The following POMT2 variants were observed in gnomAD, a reference collection of about 807,000 sequenced individuals.
POMT2 encodes protein O-mannosyltransferase 2.
Under a neutral mutation model 100.0 loss-of-function variants are expected in POMT2, and 75 were observed. The ratio of observed to expected loss-of-function variants is 0.75; its 90% CI spans 0.62 to 0.91. The LOEUF is 0.91. Among genes scored for constraint, POMT2 ranks in the 40% least tolerant of loss-of-function variants. The pLI is 0.00. For missense variants in POMT2, 940 were observed against 955.1 expected, an observed-to-expected ratio of 0.98 and a Z score of 0.21; for synonymous variants, 378 against 374.1, an observed-to-expected ratio of 1.01 and a Z score of -0.12.
chr14:77,297,175 T>C (rs1477965579), intron 8 of POMT2, among the ~76,000 whole-genome samples: 1 of 152,244 alleles, frequency 6.6e-6, no homozygotes, highest in Non-Finnish European at 1.5e-5. Context: ...ACTCCACAGC[T>C]GTGTTCTTCT....
chr14:77,313,380 G>T (rs1480112617), intron 1 of POMT2, among the ~76,000 whole-genome samples: 1 of 152,202 alleles, frequency 6.6e-6, no homozygotes, highest in Non-Finnish European at 1.5e-5. Context: ...TTCAAAGCAG[G>T]GTAATGAAAC....
chr14:77,288,657 A>G, intron 11 of POMT2, 105 bp downstream of exon 11: 1 of 986,240 alleles, frequency 1.0e-6, no homozygotes, highest in South Asian at 1.4e-5. Context: ...GCCTTGCTCC[A>G]TTGACCAGAG....
chr14:77,301,179 T>C lies in POMT2; in HGVS notation c.727A>G (p.Lys243Glu), dbSNP rs1891024188. 6.2e-7 allele frequency: 1 copy of C among 1,614,150 alleles called. No homozygotes were observed. Among genetic ancestry groups the C allele is most frequent in the Non-Finnish European group, 8.5e-7 (1 of 1,180,028 alleles). ...AGGATGATAAAGAGGCCAACAAACT[T>C]GACCCCTAAAGCACCAGCAAGACTA... ...GVSLAGALGV[K>E]FVGLFIILQV... The change falls in exon 6 of 21, where the codon AAG (lysine) becomes GAG (glutamate). Residue 243 changes from lysine to glutamate, a missense_variant. Transcript: ENST00000261534.
chr14:77,297,647 G>C (rs533846409), intron 8 of POMT2, among the ~76,000 whole-genome samples: 13 of 152,200 alleles, frequency 8.5e-5, no homozygotes, highest in Non-Finnish European at 1.9e-4. Context: ...AGACTAAAAT[G>C]AGTAAGATGC....
chr14:77,277,602 T>C, intron 20 of POMT2, 121 bp from the exon 21 acceptor site: 1 of 815,596 alleles, frequency 1.2e-6, no homozygotes, highest in Non-Finnish European at 2.1e-6. Context: ...CCGGTTCTCT[T>C]TCACGGCCTT....
Position 77,279,887 on chromosome 14 carries a change from G to C in POMT2, c.1827C>G (p.Leu609=). 6.2e-7 allele frequency: 1 copy of C among 1,614,100 alleles called. No individual in the cohort carries two copies. Among genetic ancestry groups the C allele is most frequent in the Non-Finnish European group, 8.5e-7 (1 of 1,180,020 alleles). Residue 609 remains leucine, a synonymous_variant, in exon 18 of 21, where the codon CTC becomes CTG. Transcript: ENST00000261534. ...WLNLLSIALY[L]LSGSIIAVAM... Reference sequence around the variant, plus strand: ...CTACAGCAATGATGCTCCCTGAGAGGAGGTAGAGGGCGATGCTCAACAGAT... The same window carrying C: ...CTACAGCAATGATGCTCCCTGAGAGCAGGTAGAGGGCGATGCTCAACAGAT...
chr14:77,293,382 A>G (rs985419861), intron 9 of POMT2, among the ~76,000 whole-genome samples: 1 of 152,202 alleles, frequency 6.6e-6, no homozygotes, highest in African/African-American at 2.4e-5. Context: ...TCCCACTGAA[A>G]TGTTTGTTTT....
intron 10 of POMT2, among the ~76,000 whole-genome samples, chr14:77,289,558 C>T (rs1350454816): frequency 6.6e-6 from 1 of 152,024 alleles, no homozygotes. Context: ...GCACTGAAGC[C>T]CCCACTGGAG....
chr14:77,279,008 C>T (rs1361415216), intron 18 of POMT2, 139 bp from the exon 19 acceptor site: 7 of 1,178,770 alleles, frequency 5.9e-6, no homozygotes, highest in Admixed American at 2.0e-5. Flanking sequence ...AACCACGCTA[C>T]AGAAACTGGA....
intron 12 of POMT2, 31 bp downstream of exon 12, chr14:77,286,713 C>G: frequency 6.2e-7 from 1 of 1,613,780 alleles, no homozygotes; most frequent in Non-Finnish European, 8.5e-7. Context: ...ATAACTTTTA[C>G]GTCCTACTCA....
At chr14:77,305,720 A>C (rs1295970025) in intron 3 of POMT2, among the ~76,000 whole-genome samples, 1 of 152,232 alleles carries the variant, frequency 6.6e-6, no homozygotes, top group Admixed American at 6.5e-5. Context: ...CCACACGTTC[A>C]AGGTTCCCAA....
chr14:77,310,501 C>T (rs1462861885), intron 2 of POMT2, among the ~76,000 whole-genome samples: 1 of 152,158 alleles, frequency 6.6e-6, no homozygotes, highest in East Asian at 1.9e-4. Context: ...ATATGTTCTA[C>T]ACTTTTCTTG....
At chr14:77,311,899 T>C in intron 2 of POMT2, 50 bp downstream of exon 2, 1 of 1,608,888 alleles carries the variant, frequency 6.2e-7, no homozygotes, top group East Asian at 2.2e-5. Flanking sequence ...CTCCAGCCCT[T>C]AGGAACAATC....
At chr14:77,293,388 G>GTA (rs1263322089) in intron 9 of POMT2, among the ~76,000 whole-genome samples, 1 of 152,132 alleles carries the variant, frequency 6.6e-6, no homozygotes, top group African/African-American at 2.4e-5. Context: ...TGAAATGTTT[G>GTA]TTTTGACAAT....
chr14:77,308,507 C>G (rs1389547358), intron 2 of POMT2, among the ~76,000 whole-genome samples: 1 of 152,022 alleles, frequency 6.6e-6, no homozygotes, highest in Non-Finnish European at 1.5e-5. Context: ...AGGCACCTGC[C>G]ACCACGCCCG....
intron 1 of POMT2, among the ~76,000 whole-genome samples, chr14:77,315,349 CACTCTCCG>C (rs1841100335): frequency 6.6e-6 from 1 of 152,216 alleles, no homozygotes; most frequent in African/African-American, 2.4e-5. Context: ...AGCACCGCCA[CACTCTCCG>C]ACTGGGAAAT....
At chr14:77,289,059 G>A (rs1566649588) in intron 10 of POMT2, among the ~76,000 whole-genome samples, 2 of 151,450 alleles carry the variant, frequency 1.3e-5, no homozygotes, top group South Asian at 4.2e-4. Context: ...AATTTTGTCA[G>A]GTGAACAAGC....
intron 16 of POMT2, 62 bp from the exon 17 acceptor site, chr14:77,280,142 G>T (rs372734114): frequency 1.9e-6 from 3 of 1,612,148 alleles, no homozygotes; most frequent in Non-Finnish European, 1.7e-6. Context: ...CACCCATTAG[G>T]GGGAGGAAGA....
chr14:77,312,201 C>T lies in POMT2; in HGVS notation c.249-168G>A. 4.2e-6 allele frequency: 5 copies of T among 1,182,082 alleles called. No homozygotes were observed. In the South Asian group the frequency reaches 8.2e-5, roughly 19 times the overall value. 73.2% of individuals were successfully genotyped at this position (1,182,082 alleles called of 1,614,324 possible). A position where few individuals can be genotyped will look rare whatever the true frequency, so the allele number is the denominator to read the frequency against. ...ACACAAGTGATTTTAGGAAGAAAGA[C>T]ATCAAGCTGGCCACTGGTCTTCATT... On this transcript the variant is annotated intron_variant, in intron 1 of 20. Coordinates refer to ENST00000261534, the MANE Select transcript of POMT2 (RefSeq NM_013382.7).
Sources: allele counts gnomAD v4.1 joint callset (sites outside exome capture counted in the v4.1 genomes callset), GRCh38; gene constraint gnomAD v4.1.1; transcripts MANE v1.5; gene names NCBI Gene and HGNC (gene_info 2026-07-23, HGNC 2026-07-21).